The following ADAMTS17 variants were observed in gnomAD, a reference collection of about 807,000 sequenced individuals.
ADAMTS17 encodes ADAM metallopeptidase with thrombospondin type 1 motif 17, also known as A disintegrin and metalloproteinase with thrombospondin motifs 17.
A neutral mutation model predicts 141.5 loss-of-function variants in ADAMTS17; 113 were observed. The ratio of observed to expected loss-of-function variants is 0.80; its 90% CI spans 0.69 to 0.93. The LOEUF is 0.93. Ranked by LOEUF, ADAMTS17 falls within the 40% of genes least tolerant of loss-of-function variation. The pLI is 0.00. For synonymous variants in ADAMTS17, 768 were observed against 630.6 expected (o/e 1.22, Z -3.27); for missense variants, 1,659 against 1,517.9 (o/e 1.09, Z -1.54).
intron 18 of ADAMTS17, among the ~76,000 whole-genome samples, chr15:100,048,607 T>C (rs984313866): frequency 1.3e-5 from 2 of 149,988 alleles, no homozygotes; most frequent in African/African-American, 4.9e-5. Context: ...TTTTTTTTTT[T>C]TTTTTTTTGC....
At chr15:100,235,542 C>T (rs2042629244) in intron 7 of ADAMTS17, among the ~76,000 whole-genome samples, 1 of 152,122 alleles carries the variant, frequency 6.6e-6, no homozygotes, top group Admixed American at 6.5e-5. Flanking sequence ...AGGCTTGCCA[C>T]ATCACAGATG....
At chr15:100,235,529 G>A (rs1009431398) in intron 7 of ADAMTS17, among the ~76,000 whole-genome samples, 10 of 151,950 alleles carry the variant, frequency 6.6e-5, no homozygotes, top group Non-Finnish European at 7.4e-5. Flanking sequence ...CAGAATCTCC[G>A]GAAGGCTTGC....
chr15:100,063,525 C>T, intron 15 of ADAMTS17: 1 of 515,142 alleles, frequency 1.9e-6, no homozygotes, highest in Non-Finnish European at 3.4e-6. Flanking sequence ...AATATGACAG[C>T]ACTGTGTGGT....
intron 14 of ADAMTS17, among the ~76,000 whole-genome samples, chr15:100,103,781 G>A (rs552670657): frequency 2.0e-4 from 31 of 152,138 alleles, no homozygotes; most frequent in African/African-American, 3.9e-4. Context: ...TCACCATATC[G>A]GCCAGGCTGG....
intron 9 of ADAMTS17, among the ~76,000 whole-genome samples, chr15:100,154,375 C>T (rs79153015): frequency 0.2 from 30,952 of 152,130 alleles, 3,297 homozygotes; most frequent in Middle Eastern, 0.25. Flanking sequence ...GAACAAGGAA[C>T]GTCATGAAAA....
chr15:100,334,864 G>T (rs1034773553), intron 2 of ADAMTS17, among the ~76,000 whole-genome samples: 1 of 152,200 alleles, frequency 6.6e-6, no homozygotes, highest in Non-Finnish European at 1.5e-5. Flanking sequence ...AAAAAGGACT[G>T]CCAGCCTGCC....
chr15:100,329,066 T>C (rs748769687), intron 3 of ADAMTS17, among the ~76,000 whole-genome samples: 1 of 152,122 alleles, frequency 6.6e-6, no homozygotes, highest in African/African-American at 2.4e-5. Context: ...GTCCCCAGGA[T>C]GTCTAATTAA....
At chr15:100,210,685 G>A (rs916210878) in intron 7 of ADAMTS17, among the ~76,000 whole-genome samples, 1 of 152,240 alleles carries the variant, frequency 6.6e-6, no homozygotes, top group Non-Finnish European at 1.5e-5. Flanking sequence ...AGAAGAGCTA[G>A]TCAGGCGCAG....
chr15:100,333,131 T>C (rs1335177057), intron 2 of ADAMTS17, among the ~76,000 whole-genome samples: 3 of 152,080 alleles, frequency 2.0e-5, no homozygotes, highest in Non-Finnish European at 4.4e-5. Context: ...CTCTCTTCCC[T>C]AAATAAACCC....
At chr15:100,054,167 G>C (rs1006149128) in intron 15 of ADAMTS17, 113 bp from the exon 16 acceptor site, 15 of 1,231,252 alleles carry the variant, frequency 1.2e-5, no homozygotes, top group African/African-American at 7.4e-5. Context: ...CCTTCCACAG[G>C]GGGAAGGAGG....
intron 14 of ADAMTS17, among the ~76,000 whole-genome samples, chr15:100,097,051 A>G (rs910359724): frequency 2.0e-5 from 3 of 152,210 alleles, no homozygotes; most frequent in Admixed American, 6.5e-5. Flanking sequence ...CCCATCTCTC[A>G]TACCTTTTCA....
chr15:100,085,735 C>G lies in ADAMTS17; in HGVS notation c.2137+10621G>C, dbSNP rs557929598. On this transcript the variant is annotated intron_variant, in intron 15 of 21. Coordinates refer to ENST00000268070, the MANE Select transcript of ADAMTS17 (RefSeq NM_139057.4). ...GAATTTTCAAGCCAGAATTTCATAT[C>G]CAGCCAAACTAAGCTTCATAAGTGA... Among the ~76,000 whole-genome samples the G allele has an allele frequency of 2.7e-5, 4 of 149,936 alleles. No homozygotes were observed. The South Asian group carries it at 8.4e-4, about 32-fold the overall frequency.
chr15:100,321,907 C>T (rs995305953), intron 3 of ADAMTS17, among the ~76,000 whole-genome samples: 1 of 152,174 alleles, frequency 6.6e-6, no homozygotes, highest in Admixed American at 6.5e-5. Flanking sequence ...AGATTATGTA[C>T]TCTTTTCATT....
Position 100,103,681 on chromosome 15 carries a change from C to G in ADAMTS17, c.2016+5308G>C, listed in dbSNP as rs144969775. Among the ~76,000 whole-genome samples the G allele has an allele frequency of 2.1e-3, 323 of 152,236 alleles. 1 individual carries two copies. Among genetic ancestry groups the G allele is most frequent in the Middle Eastern group, 6.8e-3 (2 of 294 alleles). On this transcript the variant is annotated intron_variant, in intron 14 of 21. Transcript: ENST00000268070. ...GCAACCTCCACTGCCCGGGTTCAAG[C>G]AATTCTCCTGCCTCAGCCTCCTTAG...
chr15:100,297,988 G>A (rs12442783), intron 3 of ADAMTS17, among the ~76,000 whole-genome samples: 10,506 of 152,030 alleles, frequency 0.069, 657 homozygotes, highest in East Asian at 0.24. Context: ...AGAGTGCCCA[G>A]GAAGGAAGGA....
intron 3 of ADAMTS17, among the ~76,000 whole-genome samples, chr15:100,324,387 C>T (rs565770303): frequency 1.1e-4 from 17 of 152,178 alleles, no homozygotes; most frequent in African/African-American, 3.1e-4. Context: ...ATACTGGATA[C>T]GCAGGTTTCT....
intron 15 of ADAMTS17, among the ~76,000 whole-genome samples, chr15:100,086,446 C>A (rs766472763): frequency 0.012 from 1,897 of 151,886 alleles, 21 homozygotes; most frequent in Non-Finnish European, 0.02. Flanking sequence ...ACGAGACAGA[C>A]AGTTAACAAG....
chr15:100,317,117 T>C (rs780618141), intron 3 of ADAMTS17, among the ~76,000 whole-genome samples: 2 of 152,108 alleles, frequency 1.3e-5, no homozygotes, highest in Non-Finnish European at 2.9e-5. Flanking sequence ...AAGTGTCCAC[T>C]CACCCGACAC....
intron 3 of ADAMTS17, among the ~76,000 whole-genome samples, chr15:100,318,452 T>A (rs1324043302): frequency 6.6e-6 from 1 of 151,924 alleles, no homozygotes; most frequent in African/African-American, 2.4e-5. Flanking sequence ...TAAGAGAGTC[T>A]CCAGAGAGCC....
Sources: allele counts gnomAD v4.1 joint callset (sites outside exome capture counted in the v4.1 genomes callset), GRCh38; gene constraint gnomAD v4.1.1; transcripts MANE v1.5; gene names NCBI Gene and HGNC (gene_info 2026-07-23, HGNC 2026-07-21).